FBXL13: variants seen among roughly 807,000 people sequenced by gnomAD.
FBXL13 encodes F-box and leucine-rich repeat protein 13.
In FBXL13, 67 loss-of-function variants were observed where a neutral mutation model predicts 83.6. The ratio of observed to expected loss-of-function variants is 0.80; its 90% CI spans 0.66 to 0.98. The LOEUF is 0.98. Ranked by LOEUF, FBXL13 falls within the 50% of genes least tolerant of loss-of-function variation. The probability of loss-of-function intolerance (pLI) is 0.00; values close to 1 mark genes in which losing one functional copy is unlikely to be tolerated. For missense variants in FBXL13, 822 were observed against 866.5 expected (o/e 0.95, Z 0.64); for synonymous variants, 272 against 299.5 (o/e 0.91, Z 0.95).
At chr7:103,017,618 G>T (rs562692972) in intron 6 of FBXL13, among the ~76,000 whole-genome samples, 1 of 152,126 alleles carries the variant, frequency 6.6e-6, no homozygotes, top group Non-Finnish European at 1.5e-5. Flanking sequence ...CTAGTGTAGA[G>T]AAGTCCTTAA....
chr7:103,068,937 G>A (rs1052206287), intron 1 of FBXL13, among the ~76,000 whole-genome samples: 2 of 152,232 alleles, frequency 1.3e-5, no homozygotes, highest in East Asian at 3.8e-4. Context: ...AGATTTTAAA[G>A]TTGAGGGCCC....
chr7:102,979,127 C>T (rs1827873525), intron 6 of FBXL13, among the ~76,000 whole-genome samples: 1 of 152,170 alleles, frequency 6.6e-6, no homozygotes, highest in Admixed American at 6.5e-5. Flanking sequence ...ATTTGTCTGA[C>T]AAACAGTTAA....
chr7:102,878,410 C>G, exon 15 of FBXL13: 1 of 1,607,836 alleles, frequency 6.2e-7, no homozygotes, highest in Non-Finnish European at 8.5e-7. Flanking sequence ...CTCATGCTTG[C>G]AGGACCATCA....
chr7:103,031,755 G>T (rs967048340), intron 2 of FBXL13, among the ~76,000 whole-genome samples: 1 of 152,192 alleles, frequency 6.6e-6, no homozygotes, highest in Admixed American at 6.5e-5. Context: ...GTTAAAGAGT[G>T]GGAATGTGTA....
chr7:102,846,740 G>A (rs1011477912), intron 17 of FBXL13, among the ~76,000 whole-genome samples: 2 of 9,438 alleles, frequency 2.1e-4, no homozygotes, highest in Non-Finnish European at 5.0e-4. Context: ...CCCCAGTGTT[G>A]TACTAAGGAA....
chr7:102,846,748 G>GAAGTTTAAGAATCGTTCCT (rs1554412421), intron 17 of FBXL13, among the ~76,000 whole-genome samples: 1 of 152,076 alleles, frequency 6.6e-6, no homozygotes, highest in African/African-American at 2.4e-5. Flanking sequence ...TTGTACTAAG[G>GAAGTTTAAGAATCGTTCCT]AAGCTTAATG....
chr7:102,923,796 G>A (rs1237263575), intron 10 of FBXL13, among the ~76,000 whole-genome samples: 1 of 151,648 alleles, frequency 6.6e-6, no homozygotes, highest in Non-Finnish European at 1.5e-5. Flanking sequence ...CTGTACTCCA[G>A]CCTGGGTGAC....
At chr7:102,973,746 A>G (rs1035714700) in intron 6 of FBXL13, 1 of 765,962 alleles carries the variant, frequency 1.3e-6, no homozygotes, top group African/African-American at 1.7e-5. Flanking sequence ...CTGTGCATGC[A>G]CATCAGTCAC....
At chr7:103,019,750 T>C (rs942626408) in intron 6 of FBXL13, among the ~76,000 whole-genome samples, 1 of 152,142 alleles carries the variant, frequency 6.6e-6, no homozygotes, top group South Asian at 2.1e-4. Flanking sequence ...CCTGGACACA[T>C]ACACCCTCCC....
At chr7:103,027,338 T>C in intron 5 of FBXL13, 111 bp downstream of exon 6, 2 of 661,184 alleles carry the variant, frequency 3.0e-6, no homozygotes, top group South Asian at 4.8e-5. Context: ...CCATCAAAAG[T>C]AGATAATATT....
intron 8 of FBXL13, 101 bp from the exon 10 acceptor site, chr7:102,932,034 A>T (rs1406362644): frequency 8.8e-7 from 1 of 1,136,560 alleles, no homozygotes; most frequent in Non-Finnish European, 1.3e-6. Context: ...TAGAAAACAA[A>T]CAAAAACCTT....
intron 6 of FBXL13, among the ~76,000 whole-genome samples, chr7:103,003,765 T>C (rs1790688001): frequency 6.6e-6 from 1 of 151,958 alleles, no homozygotes; most frequent in Non-Finnish European, 1.5e-5. Context: ...TTAGTAGAGA[T>C]GGGGTTTTAC....
chr7:103,033,607 A>C (rs1794755656), intron 2 of FBXL13, among the ~76,000 whole-genome samples: 2 of 151,784 alleles, frequency 1.3e-5, no homozygotes, highest in Admixed American at 1.3e-4. Flanking sequence ...GCGCGTCTGG[A>C]GTTGTTCGTT....
intron 6 of FBXL13, among the ~76,000 whole-genome samples, chr7:102,971,701 C>T (rs1185731385): frequency 6.6e-6 from 1 of 151,796 alleles, no homozygotes; most frequent in Non-Finnish European, 1.5e-5. Flanking sequence ...AATTGAAGGC[C>T]AGCCTGGGTA....
chr7:102,950,838 T>C (rs1296593728), intron 8 of FBXL13, among the ~76,000 whole-genome samples: 2 of 152,122 alleles, frequency 1.3e-5, no homozygotes, highest in Non-Finnish European at 2.9e-5. Flanking sequence ...TTGGTGGTTG[T>C]CAGAAGCTAG....
At chr7:102,847,918 T>C (rs1351482258) in intron 17 of FBXL13, among the ~76,000 whole-genome samples, 1 of 152,216 alleles carries the variant, frequency 6.6e-6, no homozygotes, top group East Asian at 1.9e-4. Context: ...CATCTCTCTA[T>C]ACACAATTTG....
intron 3 of FBXL13, 102 bp from the exon 5 acceptor site, chr7:103,028,850 C>A: frequency 1.0e-6 from 1 of 954,778 alleles, no homozygotes; most frequent in Non-Finnish European, 1.4e-6. Flanking sequence ...CCTTTATGAC[C>A]TCAAAAACCA....
intron 18 of FBXL13, 55 bp downstream of exon 19, chr7:102,832,785 T>C (rs1437464562): frequency 1.2e-6 from 2 of 1,605,848 alleles, no homozygotes; most frequent in Non-Finnish European, 1.7e-6. Flanking sequence ...TGTCCTGCCT[T>C]GTCCCTTGGC....
rs151087118 is a variant in FBXL13 at position 102,873,724 on chromosome 7, C to T, written c.1635+3743G>A. On this transcript the variant is annotated intron_variant, in intron 16 of 19. Coordinates refer to ENST00000313221, the Ensembl canonical transcript of FBXL13. The stretch of plus-strand genomic sequence containing the variant: ...CCCTCAGTGACCTGACCCCTGTCTA[C>T]CTCTCAAACATCATCTCTCACCATA... Among the ~76,000 whole-genome samples the T allele has an allele frequency of 2.0e-4, 31 of 152,312 alleles. No homozygotes were observed. The East Asian group carries it at 5.8e-3, about 28-fold the overall frequency.
Sources: gnomAD v4.1 joint callset for allele counts (sites outside exome capture counted in the v4.1 genomes callset) on GRCh38, gnomAD v4.1.1 for gene constraint, MANE v1.5 for transcripts, NCBI Gene and HGNC (gene_info 2026-07-23, HGNC 2026-07-21) for gene names.